The following ST6GALNAC3 variants were observed in gnomAD, a reference collection of about 807,000 sequenced individuals.
ST6GALNAC3 encodes ST6 N-acetylgalactosaminide alpha-2,6-sialyltransferase 3.
In ST6GALNAC3, 25 loss-of-function variants were observed where a neutral mutation model predicts 32.7. That is an observed-to-expected ratio of 0.76 (90% CI 0.56 to 1.07). The LOEUF is 1.07. ST6GALNAC3 is among the 50% of genes least tolerant of loss of function. ST6GALNAC3 has a pLI of 0.00. For synonymous variants in ST6GALNAC3, 129 were observed against 133.1 expected, an observed-to-expected ratio of 0.97 and a Z score of 0.21; for missense variants, 355 against 382.4, an observed-to-expected ratio of 0.93 and a Z score of 0.60.
At chr1:76,124,243 T>C (rs1396876547) in intron 1 of ST6GALNAC3, among the ~76,000 whole-genome samples, 1 of 150,462 alleles carries the variant, frequency 6.6e-6, no homozygotes, top group East Asian at 1.9e-4. Flanking sequence ...TTGGGGAGAC[T>C]GCCTTGCTGC....
At chr1:76,284,992 T>A (rs2100798390) in intron 1 of ST6GALNAC3, among the ~76,000 whole-genome samples, 1 of 152,226 alleles carries the variant, frequency 6.6e-6, no homozygotes, top group South Asian at 2.1e-4. Context: ...TCCTGCTGCC[T>A]TCACCCAGCC....
intron 1 of ST6GALNAC3, among the ~76,000 whole-genome samples, chr1:76,144,970 A>G (rs1275874182): frequency 6.6e-6 from 1 of 152,168 alleles, no homozygotes; most frequent in East Asian, 1.9e-4. Flanking sequence ...TACTGAAAAT[A>G]ATAATGCTTA....
At chr1:76,123,457 G>T (rs1012557296) in intron 1 of ST6GALNAC3, among the ~76,000 whole-genome samples, 2 of 151,694 alleles carry the variant, frequency 1.3e-5, no homozygotes, top group East Asian at 1.9e-4. Context: ...CAATGAGATT[G>T]TGTTAAGAAT....
intron 3 of ST6GALNAC3, among the ~76,000 whole-genome samples, chr1:76,511,040 C>A (rs1661825070): frequency 6.6e-6 from 1 of 152,158 alleles, no homozygotes; most frequent in African/African-American, 2.4e-5. Flanking sequence ...GGTAAATTGG[C>A]TTCCCAGATG....
chr1:76,563,553 C>T (rs1285007897), intron 3 of ST6GALNAC3, among the ~76,000 whole-genome samples: 1 of 152,048 alleles, frequency 6.6e-6, no homozygotes, highest in Non-Finnish European at 1.5e-5. Context: ...GTATTTAGAA[C>T]CCAATTTAAC....
intron 3 of ST6GALNAC3, among the ~76,000 whole-genome samples, chr1:76,537,985 T>C (rs1663731394): frequency 6.6e-6 from 1 of 152,144 alleles, no homozygotes; most frequent in African/African-American, 2.4e-5. Flanking sequence ...TCTTAAACAA[T>C]TGAAAAGGAG....
Position 76,129,266 on chromosome 1 carries a change from G to A in ST6GALNAC3, c.18+54382G>A, listed in dbSNP as rs567015007. ...TTCCAAGTTAGAGTAAGGGATGGGC[G>A]TCCCTGTCAGGCACTACCACTGCAG... On this transcript the variant is annotated intron_variant, in intron 1 of 4. Transcript: ENST00000328299. Among the ~76,000 whole-genome samples the A allele has an allele frequency of 4.6e-5, 7 of 152,218 alleles. No homozygotes were observed. In the South Asian group the frequency reaches 6.2e-4, roughly 14 times the overall value.
intron 1 of ST6GALNAC3, among the ~76,000 whole-genome samples, chr1:76,236,636 T>C (rs1249130534): frequency 6.6e-6 from 1 of 152,160 alleles, no homozygotes; most frequent in African/African-American, 2.4e-5. Flanking sequence ...AAGATTTTGA[T>C]GTACCTGAGG....
At chr1:76,108,954 G>A (rs1647732237) in intron 1 of ST6GALNAC3, among the ~76,000 whole-genome samples, 1 of 151,896 alleles carries the variant, frequency 6.6e-6, no homozygotes, top group Non-Finnish European at 1.5e-5. Flanking sequence ...TTTCCTTTGG[G>A]GTGCCTTAGT....
intron 2 of ST6GALNAC3, among the ~76,000 whole-genome samples, chr1:76,322,212 TAG>T (rs1374776453): frequency 2.6e-5 from 4 of 152,188 alleles, no homozygotes; most frequent in African/African-American, 9.6e-5. Context: ...TGTCCTGATG[TAG>T]AGAGTTTTTC....
chr1:76,309,902 C>T, intron 1 of ST6GALNAC3: 1 of 457,138 alleles, frequency 2.2e-6, no homozygotes, highest in South Asian at 1.6e-5. Context: ...TGCCAGGGAG[C>T]AGGCTTTTAC....
At chr1:76,421,607 C>T (rs761947120) in intron 3 of ST6GALNAC3, among the ~76,000 whole-genome samples, 8 of 152,060 alleles carry the variant, frequency 5.3e-5, no homozygotes, top group Non-Finnish European at 1.2e-4. Context: ...TCTCATAAAA[C>T]AACCTGAGCT....
At chr1:76,195,746 C>T (rs1463515215) in intron 1 of ST6GALNAC3, among the ~76,000 whole-genome samples, 3 of 152,188 alleles carry the variant, frequency 2.0e-5, no homozygotes, top group African/African-American at 7.2e-5. Context: ...TTAGGGAGCT[C>T]CTAACATCCC....
chr1:76,123,239 G>A (rs1025379071), intron 1 of ST6GALNAC3, among the ~76,000 whole-genome samples: 10 of 152,054 alleles, frequency 6.6e-5, no homozygotes, highest in African/African-American at 2.4e-4. Context: ...GGGCATGGTG[G>A]CAGACGCCTG....
At chr1:76,424,401 T>C (rs916944079) in intron 3 of ST6GALNAC3, among the ~76,000 whole-genome samples, 1 of 151,850 alleles carries the variant, frequency 6.6e-6, no homozygotes, top group Non-Finnish European at 1.5e-5. Context: ...CCTTAGCAGG[T>C]GGATTCTTGG....
intron 2 of ST6GALNAC3, among the ~76,000 whole-genome samples, chr1:76,391,761 G>C (rs1652584292): frequency 6.6e-6 from 1 of 151,944 alleles, no homozygotes; most frequent in Non-Finnish European, 1.5e-5. Context: ...TTTCATCAGA[G>C]AAAATTTTCT....
chr1:76,502,603 A>G (rs1464720409), intron 3 of ST6GALNAC3, among the ~76,000 whole-genome samples: 1 of 152,204 alleles, frequency 6.6e-6, no homozygotes, highest in African/African-American at 2.4e-5. Flanking sequence ...TAGAGACAGC[A>G]GTCAGATTGG....
intron 3 of ST6GALNAC3, among the ~76,000 whole-genome samples, chr1:76,507,654 A>ATATTATGGAT (rs1661563047): frequency 6.6e-6 from 1 of 152,250 alleles, no homozygotes; most frequent in Non-Finnish European, 1.5e-5. Flanking sequence ...TGGAAATACC[A>ATATTATGGAT]CAGTTCATTT....
At chr1:76,416,266 A>G (rs1291124642) in intron 3 of ST6GALNAC3, among the ~76,000 whole-genome samples, 1 of 152,182 alleles carries the variant, frequency 6.6e-6, no homozygotes, top group East Asian at 1.9e-4. Context: ...ATTAAGTGGT[A>G]TACATCACTG....
Sources: gnomAD v4.1 joint callset for allele counts (sites outside exome capture counted in the v4.1 genomes callset) on GRCh38, gnomAD v4.1.1 for gene constraint, MANE v1.5 for transcripts, NCBI Gene and HGNC (gene_info 2026-07-23, HGNC 2026-07-21) for gene names.